The following NFIB variants were observed in gnomAD, a reference collection of about 807,000 sequenced individuals.
NFIB encodes the protein nuclear factor I B.
Under a neutral mutation model 61.5 loss-of-function variants are expected in NFIB, and 11 were observed. The ratio of observed to expected loss-of-function variants is 0.18; its 90% CI spans 0.11 to 0.30. The LOEUF is 0.30. Among genes scored for constraint, NFIB ranks in the 10% least tolerant of loss-of-function variants. NFIB has a pLI of 1.00. For synonymous variants in NFIB, 260 were observed against 216.5 expected, an observed-to-expected ratio of 1.20 and a Z score of -1.76; for missense variants, 471 against 608.9, an observed-to-expected ratio of 0.77 and a Z score of 2.38.
At chr9:14,103,817 T>C (rs146429641) in intron 10 of NFIB, among the ~76,000 whole-genome samples, 1,606 of 152,294 alleles carry the variant, frequency 0.011, 17 homozygotes, top group Non-Finnish European at 0.018. Flanking sequence ...ATTCCCTGCA[T>C]ATACATAGAT....
the NFIB span, among the ~76,000 whole-genome samples, chr9:14,461,758 T>C: frequency 2.6e-5 from 4 of 152,230 alleles, no homozygotes; most frequent in Non-Finnish European, 4.4e-5. Context: ...AGATCTCAAA[T>C]TGTAAACCCT....
At chr9:14,182,708 C>CTCTGTGTGTG (rs778914837) in intron 2 of NFIB, among the ~76,000 whole-genome samples, 38 of 97,000 alleles carry the variant, frequency 3.9e-4, no homozygotes, top group Admixed American at 1.9e-3. Flanking sequence ...CTCTCTCTCT[C>CTCTGTGTGTG]TGTGTGTGTG....
intron 7 of NFIB, among the ~76,000 whole-genome samples, chr9:14,123,970 G>A (rs79963861): frequency 0.065 from 9,832 of 152,042 alleles, 648 homozygotes; most frequent in South Asian, 0.26. Context: ...TATCTTCCAG[G>A]TATCTAAACC....
At chr9:14,298,187 A>C (rs924420055) in intron 2 of NFIB, among the ~76,000 whole-genome samples, 2 of 152,208 alleles carry the variant, frequency 1.3e-5, no homozygotes, top group Admixed American at 6.5e-5. Flanking sequence ...TTTGTAAAGA[A>C]AAAAATGTTG....
At chr9:14,145,857 T>C (rs569255157) in intron 6 of NFIB, among the ~76,000 whole-genome samples, 1 of 152,060 alleles carries the variant, frequency 6.6e-6, no homozygotes, top group South Asian at 2.1e-4. Flanking sequence ...TCTTGCCACA[T>C]TGCCCAGGCT....
chr9:14,115,558 T>C (rs2037997859), intron 9 of NFIB, among the ~76,000 whole-genome samples: 1 of 152,064 alleles, frequency 6.6e-6, no homozygotes, highest in Admixed American at 6.6e-5. Context: ...TTAAATGTTA[T>C]GGCCACACTA....
the NFIB span, among the ~76,000 whole-genome samples, chr9:14,456,865 T>G: frequency 6.6e-6 from 1 of 152,172 alleles, no homozygotes; most frequent in Non-Finnish European, 1.5e-5. Context: ...CCTGTACATG[T>G]GTGAAATGGC....
the NFIB span, among the ~76,000 whole-genome samples, chr9:14,423,737 C>T: frequency 6.6e-6 from 1 of 152,222 alleles, no homozygotes; most frequent in South Asian, 2.1e-4. Context: ...CCAGAACTTT[C>T]CTGTTGATCC....
chr9:14,155,021 C>G (rs1295932485), intron 4 of NFIB, among the ~76,000 whole-genome samples: 7 of 152,130 alleles, frequency 4.6e-5, no homozygotes, highest in Non-Finnish European at 1.0e-4. Flanking sequence ...TAACATCACT[C>G]CGAAGTGTGA....
At chr9:14,093,996 T>G (rs2034377166) in intron 10 of NFIB, among the ~76,000 whole-genome samples, 1 of 152,092 alleles carries the variant, frequency 6.6e-6, no homozygotes, top group Admixed American at 6.6e-5. Context: ...CCTTAAAACT[T>G]TTAATCCTCA....
the NFIB span, among the ~76,000 whole-genome samples, chr9:14,461,057 T>A: frequency 6.6e-6 from 1 of 152,132 alleles, no homozygotes; most frequent in Admixed American, 6.6e-5. Context: ...TAATTAGATA[T>A]CAAGTCTCCC....
intron 1 of NFIB, among the ~76,000 whole-genome samples, chr9:14,368,333 T>C (rs2061324898): frequency 6.6e-6 from 1 of 152,222 alleles, no homozygotes. Context: ...AGAATGACTT[T>C]AAGTAGTTTG....
the NFIB span, among the ~76,000 whole-genome samples, chr9:14,472,201 T>C: frequency 6.6e-6 from 1 of 152,238 alleles, no homozygotes; most frequent in Non-Finnish European, 1.5e-5. Context: ...TCTGATGATA[T>C]GGTCATTTAA....
At chr9:14,263,246 G>A (rs904985425) in intron 2 of NFIB, among the ~76,000 whole-genome samples, 1 of 150,346 alleles carries the variant, frequency 6.7e-6, no homozygotes, top group Non-Finnish European at 1.5e-5. Context: ...ATTTAAAGGT[G>A]GATGTTTCAA....
chr9:14,248,313 C>T (rs2055174890), intron 2 of NFIB, among the ~76,000 whole-genome samples: 1 of 151,600 alleles, frequency 6.6e-6, no homozygotes, highest in South Asian at 2.1e-4. Context: ...ACTCCCCTCC[C>T]CTCCCTTCCT....
intron 1 of NFIB, chr9:14,322,124 G>C (rs1444198827): frequency 1.7e-6 from 2 of 1,147,640 alleles, no homozygotes; most frequent in African/African-American, 3.5e-5. Flanking sequence ...GTAGTCTTAT[G>C]TATTTTTTAA....
At chr9:14,219,219 G>C (rs1452417370) in intron 2 of NFIB, among the ~76,000 whole-genome samples, 2 of 151,888 alleles carry the variant, frequency 1.3e-5, no homozygotes, top group Non-Finnish European at 2.9e-5. Flanking sequence ...GTTTGTTTTT[G>C]ATTCTACGTA....
In NFIB at chr9:14,087,971, G is replaced by A. The variant is rs1283002399; in HGVS notation, c.*338C>T. 2 of 283,376 alleles carry A rather than the reference G, an allele frequency of 7.1e-6. No individual in the cohort carries two copies. Among genetic ancestry groups the A allele is most frequent in the East Asian group, 5.3e-5 (1 of 19,010 alleles). 17.6% of individuals were successfully genotyped at this position (283,376 alleles called of 1,614,324 possible). The stretch of plus-strand genomic sequence containing the variant: ...TCATGTAACAAAGGCTACGTTGCAG[G>A]GGCTGCGATCTACCATCAGTGAAAT... On this transcript the variant is annotated 3_prime_UTR_variant, in exon 11 of 11. Transcript: ENST00000380953.
intron 2 of NFIB, among the ~76,000 whole-genome samples, chr9:14,239,386 A>C (rs898639160): frequency 6.6e-5 from 10 of 152,212 alleles, no homozygotes; most frequent in African/African-American, 2.4e-4. Context: ...CAAATGAATA[A>C]GGTTTAGAGG....
Sources: allele counts gnomAD v4.1 joint callset (sites outside exome capture counted in the v4.1 genomes callset), GRCh38; gene constraint gnomAD v4.1.1; transcripts MANE v1.5; gene names NCBI Gene and HGNC (gene_info 2026-07-23, HGNC 2026-07-21).